Variants in KIRREL2 observed in about 807,000 individuals in gnomAD.
The protein encoded by KIRREL2 is kin of IRRE-like protein 2.
A neutral mutation model predicts 73.4 loss-of-function variants in KIRREL2; 56 were observed. That is an observed-to-expected ratio of 0.76 (90% CI 0.62 to 0.95). The LOEUF (loss-of-function observed/expected upper bound fraction) is 0.95. KIRREL2 is among the 40% of genes least tolerant of loss of function. KIRREL2 has a pLI of 0.00. For missense variants in KIRREL2, 896 were observed against 935.0 expected (o/e 0.96, Z 0.54); for synonymous variants, 407 against 404.0 (o/e 1.01, Z -0.09).
At chr19:35,851,812 G>T (rs1599848663), upstream of KIRREL2, 7 of 1,552,622 alleles carry the variant, frequency 4.5e-6, no homozygotes, top group East Asian at 1.7e-4. Flanking sequence ...CAGGAGAGAA[G>T]CCCTGAGCGT....
At position 35,862,578 on chromosome 19, in the gene KIRREL2, C is replaced by T; in HGVS notation, c.1596C>T (p.Cys532=). The change falls in exon 12 of 15, where the codon TGC becomes TGT. Residue 532 remains cysteine, a synonymous_variant. Coordinates refer to ENST00000360202, the MANE Select transcript of KIRREL2 (RefSeq NM_199180.4). ...TGGTCATCACTGGGGTGGCCCTCTG[C>T]TGCTGGCGCCACAGCAAGGGTTAGT... ...LLMVITGVAL[C]CWRHSKASAS... is the part of the protein sequence containing the mutation. The T allele has an allele frequency of 6.2e-7, 1 of 1,608,164 alleles. No homozygotes were observed. The highest frequency in any genetic ancestry group is 8.5e-7 in the Non-Finnish European group (1 of 1,179,646).
chr19:35,854,280 C>T (rs577390898), upstream of KIRREL2, among the ~76,000 whole-genome samples: 6 of 152,202 alleles, frequency 3.9e-5, no homozygotes, highest in South Asian at 1.0e-3. Context: ...GCATGAGCCA[C>T]CGCACCTGGC....
chr19:35,866,812 T>C lies in KIRREL2; in HGVS notation c.*320T>C. ...GAGTTTGGGGCCGGGATGGAAGTTG[T>C]TTCTAGCCACTGAAAGAAGATATTT... On this transcript the variant is annotated 3_prime_UTR_variant, in exon 15 of 15. Transcript: ENST00000360202. 1 of 482,190 alleles carries C rather than the reference T, an allele frequency of 2.1e-6. No homozygotes were observed. Among genetic ancestry groups the C allele is most frequent in the East Asian group, 4.1e-5 (1 of 24,530 alleles). The allele number at this position is 482,190 out of a possible 1,614,324, so 29.9% of individuals were successfully genotyped here.
rs1973986334 is a variant in KIRREL2, at chr19:35,866,651, A to T, written c.*159A>T. On this transcript the variant is annotated 3_prime_UTR_variant, in exon 15 of 15. Transcript: ENST00000360202. ...TTGTCAGGAGCATTTGTATACAGTC[A>T]GCTCAGCCAAAGGAGATGCCCCAAG... The T allele has an allele frequency of 1.8e-6, 2 of 1,109,980 alleles. No individual in the cohort carries two copies. The highest frequency in any genetic ancestry group is 3.2e-5 in the African/African-American group (2 of 63,348). 68.8% of individuals were successfully genotyped at this position (1,109,980 alleles called of 1,614,324 possible).
At chr19:35,857,913 G>A (rs1324439528) in intron 2 of KIRREL2, among the ~76,000 whole-genome samples, 3 of 151,064 alleles carry the variant, frequency 2.0e-5, no homozygotes, top group Non-Finnish European at 2.9e-5. Context: ...TGGTAGGATT[G>A]CTTGAGCCTA....
intron 7 of KIRREL2, 43 bp from the exon 8 acceptor site, chr19:35,860,866 G>A (rs60849332): frequency 0.18 from 294,400 of 1,610,586 alleles, 28,875 homozygotes; most frequent in Middle Eastern, 0.25. Flanking sequence ...GTCAGTGGCT[G>A]CATTCCGCCC....
intron 12 of KIRREL2, 103 bp from the exon 13 acceptor site, chr19:35,862,824 C>T (rs1489044973): frequency 6.6e-6 from 5 of 756,092 alleles, no homozygotes; most frequent in Non-Finnish European, 1.1e-5. Context: ...ACAGCCCTAC[C>T]CAATCAGCCT....
chr19:35,866,593 A>G lies in KIRREL2; in HGVS notation c.*101A>G. ...AAGTTGGCGACCTTACTCCTCCAAA[A>G]CTGAACACAAGGGGAGGGAAAGATC... On this transcript the variant is annotated 3_prime_UTR_variant, in exon 15 of 15. Transcript: ENST00000360202. The G allele has an allele frequency of 1.3e-6, 2 of 1,512,876 alleles. No individual in the cohort carries two copies. Among genetic ancestry groups the G allele is most frequent in the Non-Finnish European group, 1.8e-6 (2 of 1,099,270 alleles). 93.7% of individuals were successfully genotyped at this position (1,512,876 alleles called of 1,614,324 possible). A position where few individuals can be genotyped will look rare whatever the true frequency, so the allele number is the denominator to read the frequency against.
chr19:35,860,825 G>A, intron 7 of KIRREL2, 84 bp from the exon 8 acceptor site: 2 of 1,602,998 alleles, frequency 1.2e-6, no homozygotes, highest in Non-Finnish European at 8.5e-7. Flanking sequence ...CCTAGAGGGT[G>A]TGGTGTTTCT....
chr19:35,862,589 A>G lies in KIRREL2; in HGVS notation c.1607A>G (p.His536Arg), dbSNP rs1293434521. 1 of 1,606,462 alleles carries G rather than the reference A, an allele frequency of 6.2e-7. No individual in the cohort carries two copies. The highest frequency in any genetic ancestry group is 8.5e-7 in the Non-Finnish European group (1 of 1,179,044). Residue 536 changes from histidine (H) to arginine (R), a missense_variant, in exon 12 of 15, where the codon CAC becomes CGC. Transcript: ENST00000360202. ...GGGGTGGCCCTCTGCTGCTGGCGCC[A>G]CAGCAAGGGTTAGTGCCTGAGCCCC... ...ITGVALCCWRHSKASASFSEQ... is the reference protein window; with the variant it reads ...ITGVALCCWRRSKASASFSEQ...
rs1219266595 is a variant in KIRREL2 at position 35,866,502 on chromosome 19, A to G, written c.*10A>G. ...CCAGACTCACGTGTGACATCTTTCC[A>G]ATGGAAGAGTCCTGGGATCTCCAAC... On this transcript the variant is annotated 3_prime_UTR_variant, in exon 15 of 15. Coordinates refer to ENST00000360202, the MANE Select transcript of KIRREL2 (RefSeq NM_199180.4). 1 of 1,612,818 alleles carries G rather than the reference A, an allele frequency of 6.2e-7. No homozygotes were observed. Among genetic ancestry groups the G allele is most frequent in the African/African-American group, 1.3e-5 (1 of 74,620 alleles).
intron 10 of KIRREL2, 62 bp from the exon 11 acceptor site, chr19:35,861,743 C>A: frequency 6.3e-7 from 1 of 1,585,604 alleles, no homozygotes; most frequent in Admixed American, 1.7e-5. Context: ...TCCCAGACAT[C>A]CCTCCTGCTT....
rs1366559178 is a variant in KIRREL2 at position 35,857,372 on chromosome 19, C to T, written c.89C>T (p.Pro30Leu). The change falls in exon 2 of 15, where the codon CCA (proline) becomes CTA (leucine). Residue 30 changes from proline (P) to leucine (L), a missense_variant. Transcript: ENST00000360202. ...AGPSPHFLQQ[P>L]EDLVVLLGEE... ...CCGTCGCCCCATTTCCTGCAACAGC[C>T]AGAGGACCTGGTGGTGCTGCTGGGG... 1.9e-6 allele frequency: 3 copies of T among 1,612,866 alleles called. No homozygotes were observed. Among genetic ancestry groups the T allele is most frequent in the East Asian group, 4.5e-5 (2 of 44,876 alleles).
At position 35,864,607 on chromosome 19, in the gene KIRREL2, G is replaced by T. The variant is rs777438167; in HGVS notation, c.1726-41G>T. On this transcript the variant is annotated intron_variant, in intron 13 of 14. Transcript: ENST00000360202. ...TTGGGGTCTGGCATTGGGGCGGGGG[G>T]ATCCTCTGACTATTCCCTCTCACTA... 13 of 1,539,374 alleles carry T rather than the reference G, an allele frequency of 8.4e-6. No individual in the cohort carries two copies. In the South Asian group the frequency reaches 1.0e-4, roughly 12 times the overall value.
chr19:35,861,183 A>ATG lies in KIRREL2; in HGVS notation c.1123_1124dup (p.Arg376AlafsTer19). On this transcript the variant is annotated frameshift_variant, in exon 9 of 15. Transcript: ENST00000360202. LOFTEE classifies it high-confidence loss of function. ...GTGGGGCCCGAGGACGCAGGCGACT[A>ATG]TGTGTGCAGAGCTGAGGCTGGGCTA... 6.3e-7 allele frequency: 1 copy of ATG among 1,581,136 alleles called. No homozygotes were observed. Among genetic ancestry groups the ATG allele is most frequent in the Non-Finnish European group, 8.6e-7 (1 of 1,166,744 alleles).
rs1056050612 is a variant in KIRREL2, at chr19:35,866,169, G to A, written c.1804G>A (p.Gly602Ser). ...GTLETKDPTNGYYKVRGVSVS... is the reference protein window; with the variant it reads ...GTLETKDPTNSYYKVRGVSVS... ...TTTGTCCCCTCAGGACCCAACCAACGGTTACTACAAGGTCCGAGGAGTCAG... is the reference window on the plus strand; with the variant it reads ...TTTGTCCCCTCAGGACCCAACCAACAGTTACTACAAGGTCCGAGGAGTCAG... Residue 602 changes from glycine (G) to serine (S), a missense_variant, in exon 15 of 15, where the codon GGT (glycine) becomes AGT (serine). Gly to Ser is a moderately conservative substitution (Grantham distance 56). Coordinates refer to ENST00000360202, the MANE Select transcript of KIRREL2 (RefSeq NM_199180.4). 7.5e-6 allele frequency: 12 copies of A among 1,608,238 alleles called. No individual in the cohort carries two copies. Among genetic ancestry groups the A allele is most frequent in the Admixed American group, 1.7e-5 (1 of 57,970 alleles).
chr19:35,864,964 C>G (rs1359534860), intron 14 of KIRREL2, among the ~76,000 whole-genome samples: 1 of 152,042 alleles, frequency 6.6e-6, no homozygotes, highest in Non-Finnish European at 1.5e-5. Context: ...GAGCCCCAGA[C>G]CAGGGCTCAC....
In KIRREL2 at chr19:35,859,621, G is replaced by A. The variant is rs1973578563; in HGVS notation, c.663G>A (p.Leu221=). The A allele has an allele frequency of 6.2e-7, 1 of 1,613,864 alleles. No individual in the cohort carries two copies. The change falls in exon 5 of 15, where the codon CTG becomes CTA. Residue 221 remains leucine, a synonymous_variant. Coordinates refer to ENST00000360202, the MANE Select transcript of KIRREL2 (RefSeq NM_199180.4). The part of the protein sequence containing the change: ...LPTGRDTAIT[L]SLQYPPEVTL... ...CAGGAAGAGACACAGCTATCACACT[G>A]AGCCTGCAGTGTGAGTGCAGCTGGC...
At chr19:35,865,173 C>CTTTT (rs35569940) in intron 14 of KIRREL2, among the ~76,000 whole-genome samples, 1,539 of 105,070 alleles carry the variant, frequency 0.015, 100 homozygotes, top group East Asian at 0.059. Context: ...TCTCTCTCTT[C>CTTTT]TTTTTTTTTT....
Sources: gnomAD v4.1 joint callset for allele counts (sites outside exome capture counted in the v4.1 genomes callset) on GRCh38, gnomAD v4.1.1 for gene constraint, MANE v1.5 for transcripts, NCBI Gene and HGNC (gene_info 2026-07-23, HGNC 2026-07-21) for gene names.